Variants in CGRRF1 observed in about 807,000 individuals in gnomAD.
CGRRF1 encodes the protein cell growth regulator with RING finger domain protein 1.
A neutral mutation model predicts 37.2 loss-of-function variants in CGRRF1; 32 were observed. That is an observed-to-expected ratio of 0.86 (90% CI 0.65 to 1.16). CGRRF1 has a LOEUF of 1.16. Among genes scored for constraint, CGRRF1 ranks in the 50% most tolerant of loss-of-function variants. The pLI, the probability that CGRRF1 is intolerant of heterozygous loss-of-function variation, is 0.00. For synonymous variants in CGRRF1, 141 were observed against 140.3 expected, an observed-to-expected ratio of 1.00 and a Z score of -0.04; for missense variants, 391 against 382.6, an observed-to-expected ratio of 1.02 and a Z score of -0.18.
chr14:54,510,621 G>T (rs1439105077), intron 1 of CGRRF1, among the ~76,000 whole-genome samples: 1 of 152,144 alleles, frequency 6.6e-6, no homozygotes, highest in Non-Finnish European at 1.5e-5. Context: ...ATATTTAGTC[G>T]ATAGAATTGT....
At chr14:54,522,430 AT>A in intron 1 of CGRRF1, 23 bp from the exon 2 acceptor site, 1 of 1,453,556 alleles carries the variant, frequency 6.9e-7, no homozygotes, top group South Asian at 1.4e-5. Flanking sequence ...TTAAAATAAT[AT>A]TTTATTTTTT....
At chr14:54,517,414 A>G (rs1441729018) in intron 1 of CGRRF1, among the ~76,000 whole-genome samples, 2 of 152,162 alleles carry the variant, frequency 1.3e-5, no homozygotes, top group African/African-American at 4.8e-5. Context: ...AGTCATCAAA[A>G]GTGAATTTTT....
At chr14:54,532,289 C>T (rs1056912183) in intron 4 of CGRRF1, among the ~76,000 whole-genome samples, 1 of 152,072 alleles carries the variant, frequency 6.6e-6, no homozygotes, top group African/African-American at 2.4e-5. Flanking sequence ...TATTTTCAAA[C>T]TGAAGTTCCA....
At chr14:54,535,961 GT>G (rs1042141662) in intron 4 of CGRRF1, 21 of 152,276 alleles carry the variant, frequency 1.4e-4, no homozygotes, top group Admixed American at 1.4e-3. Flanking sequence ...CTGAGGGTTT[GT>G]AGTCAAACTG....
intron 4 of CGRRF1, among the ~76,000 whole-genome samples, chr14:54,534,126 T>G (rs895501484): frequency 2.7e-5 from 4 of 148,170 alleles, no homozygotes; most frequent in Admixed American, 1.3e-4. Flanking sequence ...ACAAAATTGG[T>G]TTTTTTTTTG....
Position 54,538,378 on chromosome 14 carries a change from CTT to C in CGRRF1, c.996_997del (p.Ter333LysfsTer4), listed in dbSNP as rs1356164685. 3.1e-6 allele frequency: 5 copies of C among 1,601,702 alleles called. No individual in the cohort carries two copies. The highest frequency in any genetic ancestry group is 1.3e-5 in the African/African-American group (1 of 74,620). ...KEQDKDKPKTL is the reference protein window; with the variant it reads ...KEQDKDKPKTX ...GCAAGATAAAGACAAACCGAAGACTCTTTGAAGACATCGTAACACTGAAAAGT... is the reference window on the plus strand; with the variant it reads ...GCAAGATAAAGACAAACCGAAGACTCTGAAGACATCGTAACACTGAAAAGT... On this transcript the variant is annotated frameshift_variant, in exon 6 of 6. Transcript: ENST00000216420. LOFTEE classifies it high-confidence loss of function.
At chr14:54,521,241 ACC>A (rs2032310698) in intron 1 of CGRRF1, among the ~76,000 whole-genome samples, 1 of 151,982 alleles carries the variant, frequency 6.6e-6, no homozygotes, top group Non-Finnish European at 1.5e-5. Context: ...TGGGCGGATC[ACC>A]TAAGGTCAGG....
Position 54,537,813 on chromosome 14 carries a change from A to G in CGRRF1, c.662A>G (p.Gln221Arg), listed in dbSNP as rs1594659214. ...CAATATTTACTCTTGGCTCAAGGTC[A>G]ATTTCATGATCTTAAGGTAAGCCGT... is the stretch of plus-strand genomic sequence containing the variant. ...LYQYLLLAQG[Q>R]FHDLKQLFMS... Residue 221 changes from glutamine (Q) to arginine (R), a missense_variant, in exon 5 of 6, where the codon CAA becomes CGA. Transcript: ENST00000216420. 6.2e-7 allele frequency: 1 copy of G among 1,603,230 alleles called. No homozygotes were observed. The highest frequency in any genetic ancestry group is 8.5e-7 in the Non-Finnish European group (1 of 1,177,382).
intron 1 of CGRRF1, among the ~76,000 whole-genome samples, chr14:54,511,048 A>G (rs76513887): frequency 0.023 from 3,469 of 152,346 alleles, 94 homozygotes; most frequent in East Asian, 0.096. Flanking sequence ...GGGAAGAAAA[A>G]GCATCTCAGA....
At chr14:54,529,966 G>A (rs1277513527) in intron 2 of CGRRF1, 83 bp from the exon 3 acceptor site, 3 of 1,148,114 alleles carry the variant, frequency 2.6e-6, no homozygotes, top group South Asian at 3.3e-5. Flanking sequence ...GCATCCAAAA[G>A]GAAGCTTTTG....
chr14:54,535,892 C>G (rs2032593724), intron 4 of CGRRF1, among the ~76,000 whole-genome samples: 1 of 152,044 alleles, frequency 6.6e-6, no homozygotes, highest in Admixed American at 6.6e-5. Context: ...TTTTATAATT[C>G]ATGGCTGAAT....
rs1478388774 is a variant in CGRRF1, at chr14:54,538,830, C to T, written c.*447C>T. The T allele has an allele frequency of 6.5e-6, 1 of 154,316 alleles. No homozygotes were observed. The highest frequency in any genetic ancestry group is 6.4e-5 in the Admixed American group (1 of 15,728). The allele number at this position is 154,316 out of a possible 1,614,324, so 9.6% of individuals were successfully genotyped here. On this transcript the variant is annotated 3_prime_UTR_variant, in exon 6 of 6. Coordinates refer to ENST00000216420, the MANE Select transcript of CGRRF1 (RefSeq NM_006568.3). ...GTTTATACAAAGGAGTTGGAATGAG[C>T]TTCTTTAGATCTTTTCCTGAAATAA... is the stretch of plus-strand genomic sequence containing the variant.
intron 4 of CGRRF1, chr14:54,536,120 CCT>C (rs1446026302): frequency 1.3e-5 from 2 of 152,186 alleles, no homozygotes; most frequent in African/African-American, 2.4e-5. Context: ...ATTTTTCCTC[CCT>C]GTTTTTTATT....
intron 2 of CGRRF1, among the ~76,000 whole-genome samples, chr14:54,526,049 A>T (rs2032405836): frequency 6.6e-6 from 1 of 151,968 alleles, no homozygotes; most frequent in African/African-American, 2.4e-5. Context: ...GTGAGCTGAG[A>T]TCATGCCACT....
At chr14:54,533,488 T>C (rs1309967440) in intron 4 of CGRRF1, among the ~76,000 whole-genome samples, 2 of 152,188 alleles carry the variant, frequency 1.3e-5, no homozygotes, top group Non-Finnish European at 2.9e-5. Flanking sequence ...TTGGGGGTAA[T>C]ATTGGCACTC....
intron 2 of CGRRF1, among the ~76,000 whole-genome samples, chr14:54,524,887 G>A (rs527621386): frequency 1.3e-5 from 2 of 152,148 alleles, no homozygotes; most frequent in South Asian, 4.2e-4. Flanking sequence ...TTGTTTAAAA[G>A]ATAGTAGGTT....
At position 54,510,047 on chromosome 14, in the gene CGRRF1, G is replaced by A. The variant is rs1317977938; in HGVS notation, c.88G>A (p.Gly30Ser). The A allele has an allele frequency of 1.2e-6, 2 of 1,611,928 alleles. No individual in the cohort carries two copies. Among genetic ancestry groups the A allele is most frequent in the African/African-American group, 1.3e-5 (1 of 74,996 alleles). The change falls in exon 1 of 6, where the codon GGC (glycine) becomes AGC (serine). Residue 30 changes from glycine to serine, a missense_variant. Coordinates refer to ENST00000216420, the MANE Select transcript of CGRRF1 (RefSeq NM_006568.3). ...VVFTCFIVTT[G>S]LVLGWFGWDV... ...CTTTACCTGCTTCATCGTGACCACC[G>A]GCCTGGTATTGGGATGGTAAGTGTC...
At chr14:54,527,367 C>T (rs1042044595) in intron 2 of CGRRF1, among the ~76,000 whole-genome samples, 5 of 151,980 alleles carry the variant, frequency 3.3e-5, no homozygotes, top group East Asian at 1.9e-4. Flanking sequence ...TGCTAAATGA[C>T]GAGTTAATGG....
In CGRRF1 at chr14:54,537,757, G is replaced by A; in HGVS notation, c.606G>A (p.Arg202=). The stretch of plus-strand genomic sequence containing the variant: ...TGTCAGTGATTCATATTCCTGATAG[G>A]ACTTATAAACTATCCTGCAGAATAT... ...SMVSVIHIPD[R]TYKLSCRILY... The change falls in exon 5 of 6, where the codon AGG becomes AGA. Residue 202 remains arginine (R), a synonymous_variant. Coordinates refer to ENST00000216420, the MANE Select transcript of CGRRF1 (RefSeq NM_006568.3). 1 of 1,591,458 alleles carries A rather than the reference G, an allele frequency of 6.3e-7. No homozygotes were observed. Among genetic ancestry groups the A allele is most frequent in the South Asian group, 1.2e-5 (1 of 85,078 alleles).
Sources: allele counts gnomAD v4.1 joint callset (sites outside exome capture counted in the v4.1 genomes callset), GRCh38; gene constraint gnomAD v4.1.1; transcripts MANE v1.5; gene names NCBI Gene and HGNC (gene_info 2026-07-23, HGNC 2026-07-21).